The following ASTN2 variants were observed in gnomAD, a reference collection of about 807,000 sequenced individuals.
ASTN2 encodes the protein astrotactin 2, also known as astrotactin-2.
In ASTN2, 54 loss-of-function variants were observed where a neutral mutation model predicts 139.8. The ratio of observed to expected loss-of-function variants is 0.39; its 90% CI spans 0.31 to 0.48. ASTN2 has a LOEUF of 0.48. ASTN2 is among the 20% of genes least tolerant of loss of function. The pLI, the probability that ASTN2 is intolerant of heterozygous loss-of-function variation, is 0.95. For synonymous variants in ASTN2, 756 were observed against 719.5 expected, an observed-to-expected ratio of 1.05 and a Z score of -0.81; for missense variants, 1,565 against 1,725.1, an observed-to-expected ratio of 0.91 and a Z score of 1.64.
chr9:117,154,937 T>C (rs1229739517), intron 3 of ASTN2, among the ~76,000 whole-genome samples: 1 of 152,028 alleles, frequency 6.6e-6, no homozygotes, highest in Non-Finnish European at 1.5e-5. Context: ...CATATGCCAC[T>C]CACCACAAGC....
chr9:116,863,904 G>A (rs986416119), intron 10 of ASTN2, among the ~76,000 whole-genome samples, 171 bp from the exon 11 acceptor site: 25 of 152,134 alleles, frequency 1.6e-4, no homozygotes, highest in African/African-American at 5.3e-4. Context: ...CATATGACAC[G>A]GTGCTTGTCA....
chr9:117,143,958 C>G (rs562019609), intron 3 of ASTN2, among the ~76,000 whole-genome samples: 11 of 152,272 alleles, frequency 7.2e-5, no homozygotes, highest in Admixed American at 2.0e-4. Flanking sequence ...GAATTGTGTT[C>G]CCTCCTTCCC....
chr9:116,880,568 C>G (rs1833426978), intron 10 of ASTN2, among the ~76,000 whole-genome samples: 1 of 152,174 alleles, frequency 6.6e-6, no homozygotes, highest in South Asian at 2.1e-4. Context: ...CCTCCCACCT[C>G]AGAACTTCAG....
At chr9:116,801,585 C>CAAAAAAAAAAAAAAAAAAA (rs397893932) in intron 13 of ASTN2, among the ~76,000 whole-genome samples, 9 of 60,374 alleles carry the variant, frequency 1.5e-4, no homozygotes, top group Admixed American at 2.7e-4. Flanking sequence ...GGCTCTGTCT[C>CAAAAAAAAAAAAAAAAAAA]AAAAAAAAAA....
intron 10 of ASTN2, among the ~76,000 whole-genome samples, chr9:116,958,862 A>G (rs1440903991): frequency 1.3e-5 from 2 of 152,172 alleles, no homozygotes; most frequent in African/African-American, 4.8e-5. Context: ...GTTTGGACTT[A>G]TTACAAAGGC....
intron 16 of ASTN2, among the ~76,000 whole-genome samples, chr9:116,658,380 C>T (rs1858353892): frequency 1.3e-5 from 2 of 152,288 alleles, no homozygotes; most frequent in South Asian, 2.1e-4. Context: ...GTGAAAAATG[C>T]TTGCTTCCTC....
chr9:117,367,643 C>T (rs1829879052), intron 1 of ASTN2, among the ~76,000 whole-genome samples: 1 of 152,122 alleles, frequency 6.6e-6, no homozygotes, highest in Admixed American at 6.5e-5. Flanking sequence ...TCTGTGGTCA[C>T]AGCTGCCTCC....
chr9:117,161,012 T>A (rs1261100990), intron 3 of ASTN2, among the ~76,000 whole-genome samples: 2 of 152,022 alleles, frequency 1.3e-5, no homozygotes, highest in African/African-American at 4.8e-5. Context: ...AGTGATGACA[T>A]TTTCTGAGCT....
chr9:117,177,668 G>A (rs540090489), intron 3 of ASTN2, among the ~76,000 whole-genome samples: 1 of 152,288 alleles, frequency 6.6e-6, no homozygotes, highest in South Asian at 2.1e-4. Context: ...GTATCTACCT[G>A]TTCACCATGG....
intron 6 of ASTN2, among the ~76,000 whole-genome samples, chr9:117,009,267 C>T (rs748370723): frequency 2.0e-5 from 3 of 152,076 alleles, no homozygotes; most frequent in Non-Finnish European, 4.4e-5. Flanking sequence ...CCAATATTTG[C>T]TCTAAAATGT....
intron 10 of ASTN2, among the ~76,000 whole-genome samples, chr9:116,915,739 G>T (rs1834427147): frequency 6.6e-6 from 1 of 152,166 alleles, no homozygotes; most frequent in Admixed American, 6.5e-5. Context: ...TCCTGCACTT[G>T]GGATTTTTCT....
At chr9:117,355,366 A>T (rs1829511274) in intron 1 of ASTN2, among the ~76,000 whole-genome samples, 1 of 152,234 alleles carries the variant, frequency 6.6e-6, no homozygotes, top group Non-Finnish European at 1.5e-5. Flanking sequence ...GTGTGATAAC[A>T]ACATTTATTT....
At chr9:116,742,673 T>G (rs1489542938) in intron 13 of ASTN2, among the ~76,000 whole-genome samples, 1 of 151,976 alleles carries the variant, frequency 6.6e-6, no homozygotes, top group Non-Finnish European at 1.5e-5. Context: ...AGAAGAGACT[T>G]GAATTTGGAG....
chr9:117,109,275 C>G (rs368625861), intron 4 of ASTN2, among the ~76,000 whole-genome samples: 7 of 150,438 alleles, frequency 4.7e-5, no homozygotes, highest in African/African-American at 1.7e-4. Flanking sequence ...GAGGGAGACT[C>G]TGTCTCAAAA....
intron 3 of ASTN2, among the ~76,000 whole-genome samples, chr9:117,181,481 A>T (rs779888129): frequency 4.6e-5 from 7 of 152,186 alleles, no homozygotes; most frequent in Non-Finnish European, 7.3e-5. Flanking sequence ...CAGTGACTTC[A>T]TTCTGTACAT....
At chr9:116,846,341 A>G (rs1391793772) in intron 11 of ASTN2, among the ~76,000 whole-genome samples, 9 of 152,238 alleles carry the variant, frequency 5.9e-5, no homozygotes. Context: ...GATAAATTTT[A>G]TGTTATGCAT....
At chr9:116,998,980 T>C (rs1262745861) in intron 7 of ASTN2, among the ~76,000 whole-genome samples, 1 of 152,176 alleles carries the variant, frequency 6.6e-6, no homozygotes, top group Non-Finnish European at 1.5e-5. Flanking sequence ...ATTAGAAATA[T>C]TTAGTACAAT....
At chr9:116,477,224 C>G (rs1011483895) in intron 20 of ASTN2, among the ~76,000 whole-genome samples, 20 of 152,166 alleles carry the variant, frequency 1.3e-4, no homozygotes, top group Non-Finnish European at 2.8e-4. Context: ...TTTTCCTCTA[C>G]GAGTCTCTCT....
rs1588218453 is a variant in ASTN2 at position 116,699,300 on chromosome 9, AC to A, written c.2806+26470del. 4 of 1,614,124 alleles carry A rather than the reference AC, an allele frequency of 2.5e-6. No homozygotes were observed. Among genetic ancestry groups the A allele is most frequent in the Non-Finnish European group, 3.4e-6 (4 of 1,180,028 alleles). On this transcript the variant is annotated intron_variant, in intron 16 of 22. Transcript: ENST00000313400. The surrounding 1 kb of genome is among the most constrained non-coding windows in gnomAD (Gnocchi z 4.2). ...TAGTGCTGTGCGGCCCAAATTTGTCACCTGTGATGCTGAGGGCACCGTCTAC... is the reference window on the plus strand; with the variant it reads ...TAGTGCTGTGCGGCCCAAATTTGTCACTGTGATGCTGAGGGCACCGTCTAC...
Sources: allele counts gnomAD v4.1 joint callset (sites outside exome capture counted in the v4.1 genomes callset), GRCh38; gene constraint gnomAD v4.1.1; non-coding constraint Gnocchi (gnomAD v3.1); transcripts MANE v1.5; gene names NCBI Gene and HGNC (gene_info 2026-07-23, HGNC 2026-07-21).